Variants in RBFOX1 observed in about 807,000 individuals in gnomAD.
RBFOX1 encodes the protein RNA binding fox-1 homolog 1, also known as RNA binding protein fox-1 homolog 1.
In RBFOX1, 8 loss-of-function variants were observed where a neutral mutation model predicts 57.7. The ratio of observed to expected loss-of-function variants is 0.14; its 90% CI spans 0.08 to 0.25. The LOEUF is 0.25. Among genes scored for constraint, RBFOX1 ranks in the 10% least tolerant of loss-of-function variants. RBFOX1 has a pLI of 1.00. For synonymous variants in RBFOX1, 326 were observed against 222.4 expected, an observed-to-expected ratio of 1.47 and a Z score of -4.15; for missense variants, 611 against 548.5, an observed-to-expected ratio of 1.11 and a Z score of -1.14.
At chr16:5,704,820 C>A (rs2051183155) in intron 3 of RBFOX1, among the ~76,000 whole-genome samples, 1 of 152,112 alleles carries the variant, frequency 6.6e-6, no homozygotes, top group Non-Finnish European at 1.5e-5. Context: ...AGTGCCAGGA[C>A]CCCCTTTGAG....
At chr16:7,500,438 T>C (rs1055849656) in intron 4 of RBFOX1, among the ~76,000 whole-genome samples, 10 of 152,222 alleles carry the variant, frequency 6.6e-5, no homozygotes, top group African/African-American at 1.4e-4. Flanking sequence ...TCAACTGTTA[T>C]AATGTCCATA....
intron 1 of RBFOX1, among the ~76,000 whole-genome samples, chr16:5,445,913 G>A (rs1336628835): frequency 6.6e-6 from 1 of 152,142 alleles, no homozygotes; most frequent in Non-Finnish European, 1.5e-5. Flanking sequence ...TTACTCCCCA[G>A]GTATGCTTTG....
chr16:5,938,419 T>A (rs2059210856), intron 4 of RBFOX1, among the ~76,000 whole-genome samples: 1 of 152,182 alleles, frequency 6.6e-6, no homozygotes, highest in Non-Finnish European at 1.5e-5. Context: ...ATATTAAAAT[T>A]ACTAGGCTGC....
chr16:6,417,395 A>G (rs1361653394), intron 2 of RBFOX1, among the ~76,000 whole-genome samples: 1 of 150,570 alleles, frequency 6.6e-6, no homozygotes, highest in African/African-American at 2.4e-5. Context: ...TCAGTTAGTC[A>G]AATATAAATG....
chr16:6,278,039 T>G (rs1045444424), intron 1 of RBFOX1, among the ~76,000 whole-genome samples: 3 of 152,130 alleles, frequency 2.0e-5, no homozygotes, highest in Admixed American at 2.0e-4. Context: ...TCCCTTACTT[T>G]GTAAGTGGGT....
chr16:6,908,784 C>T (rs993683904), intron 3 of RBFOX1, among the ~76,000 whole-genome samples: 1 of 152,162 alleles, frequency 6.6e-6, no homozygotes, highest in African/African-American at 2.4e-5. Context: ...TGCTTACTGT[C>T]TCTCTGCCCA....
chr16:6,890,922 C>G lies in RBFOX1; in HGVS notation c.-15-161135C>G, dbSNP rs28432903. Among the ~76,000 whole-genome samples, 1,018 of 152,208 alleles carry G rather than the reference C, an allele frequency of 6.7e-3. 13 individuals carry two copies. The highest frequency in any genetic ancestry group is 0.023 in the African/African-American group (959 of 41,554). ...GTGAGCATGAAGTGAGAAACTTGAA[C>G]AGACTCTTGCTTGCTTGTGACTGTA... is the stretch of plus-strand genomic sequence containing the variant. On this transcript the variant is annotated intron_variant, in intron 3 of 15. Coordinates refer to ENST00000550418, the MANE Select transcript of RBFOX1 (RefSeq NM_018723.4).
At chr16:5,689,692 T>C (rs1367251920) in intron 3 of RBFOX1, among the ~76,000 whole-genome samples, 2 of 152,080 alleles carry the variant, frequency 1.3e-5, no homozygotes, top group Non-Finnish European at 2.9e-5. Flanking sequence ...ACATCAGATA[T>C]ATATTTTTGA....
At chr16:7,117,096 T>C (rs1295063202) in intron 4 of RBFOX1, among the ~76,000 whole-genome samples, 4 of 152,036 alleles carry the variant, frequency 2.6e-5, no homozygotes, top group Non-Finnish European at 5.9e-5. Flanking sequence ...AATAATGATA[T>C]ATCTGCAAAA....
chr16:6,110,814 C>T (rs1567479835), intron 1 of RBFOX1, among the ~76,000 whole-genome samples: 1 of 152,140 alleles, frequency 6.6e-6, no homozygotes, highest in Non-Finnish European at 1.5e-5. Flanking sequence ...GTGCTGCTGG[C>T]ATTAGTGGGT....
intron 1 of RBFOX1, among the ~76,000 whole-genome samples, chr16:6,232,753 T>G (rs1466198194): frequency 6.6e-6 from 1 of 152,192 alleles, no homozygotes; most frequent in Non-Finnish European, 1.5e-5. Flanking sequence ...AACAGTTCAT[T>G]AATGCAGTGA....
At chr16:6,163,968 TATA>T (rs2152749890) in intron 1 of RBFOX1, among the ~76,000 whole-genome samples, 1 of 152,344 alleles carries the variant, frequency 6.6e-6, no homozygotes, top group East Asian at 1.9e-4. Flanking sequence ...GTAAGGTGGT[TATA>T]ATAGAGACAC....
intron 4 of RBFOX1, among the ~76,000 whole-genome samples, chr16:5,890,244 C>G (rs1278316504): frequency 6.6e-6 from 1 of 152,202 alleles, no homozygotes; most frequent in African/African-American, 2.4e-5. Context: ...CTAATTATAA[C>G]AGGCATTAGT....
chr16:5,924,799 T>C (rs2058907600), intron 4 of RBFOX1, among the ~76,000 whole-genome samples: 1 of 152,226 alleles, frequency 6.6e-6, no homozygotes, highest in Admixed American at 6.5e-5. Context: ...GTTTCCATCT[T>C]CATGTCTCCA....
intron 1 of RBFOX1, among the ~76,000 whole-genome samples, chr16:6,043,421 A>G (rs2095462479): frequency 6.6e-6 from 1 of 152,216 alleles, no homozygotes; most frequent in Non-Finnish European, 1.5e-5. Flanking sequence ...GATTTCCTTC[A>G]GAGTCTGCTA....
intron 3 of RBFOX1, among the ~76,000 whole-genome samples, chr16:6,860,410 A>G (rs751938390): frequency 3.3e-5 from 5 of 152,234 alleles, no homozygotes; most frequent in Non-Finnish European, 7.3e-5. Context: ...AAGTCTTACA[A>G]AACACTACAC....
At chr16:7,255,639 G>C (rs1410693116) in intron 4 of RBFOX1, among the ~76,000 whole-genome samples, 1 of 152,058 alleles carries the variant, frequency 6.6e-6, no homozygotes, top group Non-Finnish European at 1.5e-5. Flanking sequence ...CTGTTCAGTA[G>C]AAATATAATG....
At chr16:5,429,190 A>G (rs989007935) in intron 1 of RBFOX1, among the ~76,000 whole-genome samples, 1 of 152,190 alleles carries the variant, frequency 6.6e-6, no homozygotes, top group Non-Finnish European at 1.5e-5. Flanking sequence ...GAGCCTTTAC[A>G]TAATGATCTA....
chr16:6,105,671 GA>G (rs1390263957), intron 1 of RBFOX1, among the ~76,000 whole-genome samples: 1 of 147,666 alleles, frequency 6.8e-6, no homozygotes, highest in African/African-American at 2.6e-5. Flanking sequence ...GAAAAACTTG[GA>G]AAGTAGAAAA....
Sources: allele counts gnomAD v4.1 joint callset (sites outside exome capture counted in the v4.1 genomes callset), GRCh38; gene constraint gnomAD v4.1.1; transcripts MANE v1.5; gene names NCBI Gene and HGNC (gene_info 2026-07-23, HGNC 2026-07-21).